The following ZNF451 variants were observed in gnomAD, a reference collection of about 807,000 sequenced individuals.
ZNF451 encodes zinc finger protein 451, also known as E3 SUMO-protein ligase ZNF451.
Under a neutral mutation model 107.1 loss-of-function variants are expected in ZNF451, and 80 were observed. The observed-to-expected ratio is 0.75, with a 90% CI of 0.62 to 0.90. The LOEUF (loss-of-function observed/expected upper bound fraction) is 0.90, where lower values mean the gene tolerates loss of function less well. ZNF451 is among the 40% of genes least tolerant of loss of function. The probability of loss-of-function intolerance (pLI) is 0.00; values close to 1 mark genes in which losing one functional copy is unlikely to be tolerated. For missense variants in ZNF451, 1,107 were observed against 1,236.2 expected (o/e 0.90, Z 1.57); for synonymous variants, 362 against 406.5 (o/e 0.89, Z 1.32).
In ZNF451 at chr6:57,090,198, ACGG is replaced by A; in HGVS notation, c.-48_-46del. On this transcript the variant is annotated 5_prime_UTR_variant, in exon 1 of 15. Transcript: ENST00000370706. ...CAGGGCGGGAAGGGGATTCGTGGCG[ACGG>A]CGGCGGCAGGGACAGCAGGAGCAGT... 1 of 1,579,450 alleles carries A rather than the reference ACGG, an allele frequency of 6.3e-7. No homozygotes were observed. The highest frequency in any genetic ancestry group is 8.6e-7 in the Non-Finnish European group (1 of 1,162,838).
intron 14 of ZNF451, among the ~76,000 whole-genome samples, chr6:57,163,090 T>C (rs904807622): frequency 6.6e-6 from 1 of 152,164 alleles, no homozygotes; most frequent in Non-Finnish European, 1.5e-5. Flanking sequence ...ATGGGCTCCT[T>C]TGCACTTTTC....
At chr6:57,122,381 C>T (rs1830680830) in intron 3 of ZNF451, among the ~76,000 whole-genome samples, 1 of 152,080 alleles carries the variant, frequency 6.6e-6, no homozygotes, top group Admixed American at 6.6e-5. Flanking sequence ...AAAAATGGGA[C>T]TTAATTAAAC....
At chr6:57,168,219 A>C (rs1167542615) in intron 14 of ZNF451, among the ~76,000 whole-genome samples, 3 of 152,338 alleles carry the variant, frequency 2.0e-5, no homozygotes, top group Middle Eastern at 3.4e-3. Context: ...GTTCATATAT[A>C]AAATTCAATT....
Position 57,104,509 on chromosome 6 carries a change from G to A in ZNF451, c.186+5368G>A, listed in dbSNP as rs570457794. 92 of 985,018 alleles carry A rather than the reference G, an allele frequency of 9.3e-5. 1 individual carries two copies. The highest frequency in any genetic ancestry group is 1.1e-4 in the Non-Finnish European group (88 of 829,860). The allele number at this position is 985,018 out of a possible 1,614,324, so 61.0% of individuals were successfully genotyped here. ...CTTATTTCAAACCTTAAACTAAACC[G>A]AAATAAGTTATGCCTGAGAATGCGT... On this transcript the variant is annotated intron_variant, in intron 3 of 14. Coordinates refer to ENST00000370706, the MANE Select transcript of ZNF451 (RefSeq NM_001031623.3).
chr6:57,158,529 G>A, intron 13 of ZNF451: 2 of 985,348 alleles, frequency 2.0e-6, no homozygotes, highest in Non-Finnish European at 2.4e-6. Flanking sequence ...GGCTCCTCGA[G>A]ATGTTGGCAC....
chr6:57,133,984 G>C (rs1831310243), intron 6 of ZNF451, among the ~76,000 whole-genome samples: 1 of 152,152 alleles, frequency 6.6e-6, no homozygotes, highest in East Asian at 1.9e-4. Context: ...CCAGTTTACT[G>C]AATTTTTGAA....
At chr6:57,143,850 A>T (rs1215778856) in intron 9 of ZNF451, among the ~76,000 whole-genome samples, 1 of 152,224 alleles carries the variant, frequency 6.6e-6, no homozygotes, top group African/African-American at 2.4e-5. Context: ...TATCCATACA[A>T]GGGAATATTA....
intron 14 of ZNF451, among the ~76,000 whole-genome samples, chr6:57,162,401 C>G (rs1459006311): frequency 1.3e-5 from 2 of 152,204 alleles, no homozygotes; most frequent in East Asian, 3.8e-4. Context: ...AAGTAGATAG[C>G]TGTAATCTTT....
chr6:57,142,396 A>G (rs1186656268), intron 9 of ZNF451, among the ~76,000 whole-genome samples: 1 of 152,244 alleles, frequency 6.6e-6, no homozygotes, highest in African/African-American at 2.4e-5. Context: ...CTTTAAGTCA[A>G]CCAGAATGGA....
chr6:57,109,294 T>C, intron 3 of ZNF451: 1 of 983,856 alleles, frequency 1.0e-6, no homozygotes, highest in Non-Finnish European at 1.2e-6. Flanking sequence ...TTTTGTTTCA[T>C]ATACACACAT....
intron 3 of ZNF451, chr6:57,102,286 T>C (rs993037695): frequency 3.1e-5 from 41 of 1,302,544 alleles, no homozygotes; most frequent in Non-Finnish European, 3.5e-5. Context: ...TCATGACTTA[T>C]TGGCCAAGTG....
chr6:57,109,715 AAT>A (rs1285325783), intron 3 of ZNF451: 11 of 959,610 alleles, frequency 1.1e-5, no homozygotes, highest in Non-Finnish European at 1.4e-5. Context: ...TTTAAAGTAA[AAT>A]AGTCTCTTTT....
Position 57,154,037 on chromosome 6 carries a change from T to TA in ZNF451, c.3061dup (p.Thr1021AsnfsTer6). ...GTGCCTTGTTAAATAGCATATCTGA[T>TA]ACCACCAAAGGTACGCAGCTGCAGT... On this transcript the variant is annotated frameshift_variant, in exon 13 of 15. Transcript: ENST00000370706. LOFTEE classifies it high-confidence loss of function. 1 of 1,614,184 alleles carries TA rather than the reference T, an allele frequency of 6.2e-7. No homozygotes were observed. The highest frequency in any genetic ancestry group is 8.5e-7 in the Non-Finnish European group (1 of 1,180,046).
At chr6:57,102,085 T>C (rs1283658856) in intron 3 of ZNF451, 24 of 1,507,474 alleles carry the variant, frequency 1.6e-5, no homozygotes, top group Non-Finnish European at 1.9e-5. Flanking sequence ...ACGCCATGGG[T>C]ACAAGAATTA....
chr6:57,105,882 C>T (rs901047916), intron 3 of ZNF451: 16 of 983,640 alleles, frequency 1.6e-5, no homozygotes, highest in South Asian at 4.7e-5. Flanking sequence ...AGTATAATTA[C>T]ATTTAAACTT....
chr6:57,099,473 C>G (rs1829483668), intron 3 of ZNF451: 1 of 716,984 alleles, frequency 1.4e-6, no homozygotes, highest in Non-Finnish European at 2.6e-6. Context: ...CCTCAGGTGC[C>G]CTATACAACA....
chr6:57,142,249 T>A (rs1295704255), intron 9 of ZNF451, among the ~76,000 whole-genome samples, 154 bp downstream of exon 9: 2 of 152,234 alleles, frequency 1.3e-5, no homozygotes, highest in Non-Finnish European at 2.9e-5. Context: ...TGAGAGAAGT[T>A]AGAGTTGTGG....
rs190873845 is a variant in ZNF451 at position 57,115,837 on chromosome 6, A to G, written c.187-8897A>G. On this transcript the variant is annotated intron_variant, in intron 3 of 14. Coordinates refer to ENST00000370706, the MANE Select transcript of ZNF451 (RefSeq NM_001031623.3). ...GATAGCTTATTCACTGTCGGTATGGACCCTTTAATATTATGTGTTTTATTT... is the reference window on the plus strand; with the variant it reads ...GATAGCTTATTCACTGTCGGTATGGGCCCTTTAATATTATGTGTTTTATTT... Among the ~76,000 whole-genome samples, 281 of 152,214 alleles carry G rather than the reference A, an allele frequency of 1.8e-3. 1 individual carries two copies. The highest frequency in any genetic ancestry group is 6.5e-3 in the African/African-American group (270 of 41,524).
At chr6:57,107,732 C>T (rs1424623160) in intron 3 of ZNF451, 33 of 984,966 alleles carry the variant, frequency 3.4e-5, no homozygotes, top group Admixed American at 6.2e-5. Context: ...CTCAGGCTGT[C>T]TGTATTTTCT....
Sources: allele counts gnomAD v4.1 joint callset (sites outside exome capture counted in the v4.1 genomes callset), GRCh38; gene constraint gnomAD v4.1.1; transcripts MANE v1.5; gene names NCBI Gene and HGNC (gene_info 2026-07-23, HGNC 2026-07-21).